The following COG5 variants were observed in gnomAD, a reference collection of about 807,000 sequenced individuals.
COG5 encodes conserved oligomeric Golgi complex subunit 5.
A neutral mutation model predicts 110.4 loss-of-function variants in COG5; 86 were observed. That is an observed-to-expected ratio of 0.78 (90% confidence interval 0.65 to 0.93). The LOEUF is 0.93. Among genes scored for constraint, COG5 ranks in the 40% least tolerant of loss-of-function variants. The pLI, the probability that COG5 is intolerant of heterozygous loss-of-function variation, is 0.00. For missense variants in COG5, 1,077 were observed against 987.0 expected (o/e 1.09, Z -1.22); for synonymous variants, 360 against 334.6 (o/e 1.08, Z -0.83).
At chr7:107,434,139 A>G (rs757551531) in intron 6 of COG5, among the ~76,000 whole-genome samples, 5 of 152,230 alleles carry the variant, frequency 3.3e-5, no homozygotes, top group Non-Finnish European at 5.9e-5. Flanking sequence ...AATGGCCACT[A>G]TTAAAAAAAT....
At chr7:107,368,332 T>C (rs1205744480) in intron 8 of COG5, among the ~76,000 whole-genome samples, 2 of 152,038 alleles carry the variant, frequency 1.3e-5, no homozygotes, top group African/African-American at 4.8e-5. Flanking sequence ...CTTCTAAAAC[T>C]GGTGGGGCTA....
chr7:107,285,065 CAGTA>C (rs1805511332), intron 12 of COG5, among the ~76,000 whole-genome samples: 1 of 152,300 alleles, frequency 6.6e-6, no homozygotes, highest in East Asian at 1.9e-4. Context: ...TTTTCTCATT[CAGTA>C]AGTATTTCAC....
intron 7 of COG5, among the ~76,000 whole-genome samples, chr7:107,407,175 A>G (rs1791912371): frequency 6.6e-6 from 1 of 152,138 alleles, no homozygotes; most frequent in Non-Finnish European, 1.5e-5. Flanking sequence ...TGAGGTCAGG[A>G]GTTTGAGACC....
chr7:107,333,175 A>T (rs780475628), intron 10 of COG5, among the ~76,000 whole-genome samples: 3 of 152,226 alleles, frequency 2.0e-5, no homozygotes, highest in Non-Finnish European at 4.4e-5. Context: ...TGATCAAAGA[A>T]ATCAAGAATA....
At chr7:107,469,712 T>C (rs1469796397) in intron 6 of COG5, among the ~76,000 whole-genome samples, 1 of 152,076 alleles carries the variant, frequency 6.6e-6, no homozygotes, top group African/African-American at 2.4e-5. Flanking sequence ...TATTCTCAAA[T>C]GCAATTATCA....
At chr7:107,316,291 TA>T (rs1441264248) in intron 11 of COG5, among the ~76,000 whole-genome samples, 1 of 152,018 alleles carries the variant, frequency 6.6e-6, no homozygotes, top group Non-Finnish European at 1.5e-5. Flanking sequence ...AGGAGAAATA[TA>T]AATGATGATG....
intron 5 of COG5, among the ~76,000 whole-genome samples, chr7:107,543,699 C>T (rs1296728769): frequency 6.6e-6 from 1 of 152,162 alleles, no homozygotes; most frequent in Non-Finnish European, 1.5e-5. Context: ...CCAGGTCTGC[C>T]CCGCATCAGG....
At chr7:107,291,864 T>C (rs1235656070) in intron 12 of COG5, among the ~76,000 whole-genome samples, 2 of 152,176 alleles carry the variant, frequency 1.3e-5, no homozygotes, top group Admixed American at 1.3e-4. Context: ...ACTACAAGTC[T>C]CCTCCCATTG....
intron 6 of COG5, among the ~76,000 whole-genome samples, chr7:107,434,055 A>G (rs1193749342): frequency 6.6e-6 from 1 of 152,250 alleles, no homozygotes; most frequent in Non-Finnish European, 1.5e-5. Context: ...GCACATGAAA[A>G]GATGTTCAAC....
intron 10 of COG5, among the ~76,000 whole-genome samples, chr7:107,353,808 C>G (rs1360711835): frequency 1.3e-5 from 2 of 151,910 alleles, no homozygotes; most frequent in Non-Finnish European, 2.9e-5. Context: ...ACCATTATAG[C>G]CATCAACTGT....
At chr7:107,446,719 C>G (rs929092911) in intron 6 of COG5, among the ~76,000 whole-genome samples, 1 of 152,164 alleles carries the variant, frequency 6.6e-6, no homozygotes, top group Non-Finnish European at 1.5e-5. Context: ...TGGAGGCCTA[C>G]CAACAACCAT....
At chr7:107,311,754 A>G (rs1808289410) in intron 11 of COG5, among the ~76,000 whole-genome samples, 1 of 151,950 alleles carries the variant, frequency 6.6e-6, no homozygotes. Flanking sequence ...TTTTTATATA[A>G]TAGAGATACT....
intron 14 of COG5, among the ~76,000 whole-genome samples, chr7:107,259,845 C>T (rs1803189413): frequency 6.6e-6 from 1 of 151,942 alleles, no homozygotes; most frequent in Non-Finnish European, 1.5e-5. Context: ...TTATTGAGGA[C>T]TGATCATATT....
intron 6 of COG5, chr7:107,475,393 T>C: frequency 1.0e-6 from 1 of 994,332 alleles, no homozygotes; most frequent in African/African-American, 1.6e-5. Flanking sequence ...AAATCCACAT[T>C]CAAATGAGTT....
chr7:107,287,108 A>G (rs958086355), intron 12 of COG5, among the ~76,000 whole-genome samples: 15 of 152,128 alleles, frequency 9.9e-5, no homozygotes, highest in African/African-American at 3.4e-4. Context: ...GGGGAAGAGG[A>G]GGTTATGCAA....
At chr7:107,215,117 C>A (rs905884240) in intron 19 of COG5, among the ~76,000 whole-genome samples, 1 of 151,936 alleles carries the variant, frequency 6.6e-6, no homozygotes, top group Non-Finnish European at 1.5e-5. Flanking sequence ...TTTTTGGAAG[C>A]CTCATGGTAA....
chr7:107,234,030 GATTA>G (rs1484498411), intron 18 of COG5, among the ~76,000 whole-genome samples: 1 of 152,162 alleles, frequency 6.6e-6, no homozygotes, highest in African/African-American at 2.4e-5. Context: ...TCACAGATAT[GATTA>G]ATTATGATAG....
chr7:107,340,388 C>T (rs776800682), intron 10 of COG5, among the ~76,000 whole-genome samples: 1 of 152,036 alleles, frequency 6.6e-6, no homozygotes, highest in African/African-American at 2.4e-5. Context: ...ATAAAATCTA[C>T]CAAGCAAAAA....
chr7:107,472,237 T>C (rs528341595), intron 6 of COG5: 95 of 152,094 alleles, frequency 6.2e-4, no homozygotes, highest in African/African-American at 2.1e-3. Context: ...AGTTGAAGTA[T>C]TGGAGAGAAA....
Sources: gnomAD v4.1 joint callset for allele counts (sites outside exome capture counted in the v4.1 genomes callset) on GRCh38, gnomAD v4.1.1 for gene constraint, MANE v1.5 for transcripts, NCBI Gene and HGNC (gene_info 2026-07-23, HGNC 2026-07-21) for gene names.